The following PPARGC1A variants were observed in gnomAD, a reference collection of about 807,000 sequenced individuals.
PPARGC1A encodes PPARG coactivator 1 alpha.
In PPARGC1A, 25 loss-of-function variants were observed where a neutral mutation model predicts 88.7. That is an observed-to-expected ratio of 0.28 (90% confidence interval 0.21 to 0.39). PPARGC1A has a LOEUF of 0.39. Ranked by LOEUF, PPARGC1A falls within the 10% of genes least tolerant of loss-of-function variation. The pLI, the probability that PPARGC1A is intolerant of heterozygous loss-of-function variation, is 1.00. For missense variants in PPARGC1A, 880 were observed against 968.7 expected, an observed-to-expected ratio of 0.91 and a Z score of 1.22; for synonymous variants, 363 against 355.6, an observed-to-expected ratio of 1.02 and a Z score of -0.24.
chr4:24,263,427 T>G, the PPARGC1A span, among the ~76,000 whole-genome samples: 2 of 144,020 alleles, frequency 1.4e-5, no homozygotes, highest in African/African-American at 2.6e-5. Context: ...TCAAGAAAAA[T>G]GACATATGTA....
chr4:24,283,513 G>A, the PPARGC1A span, among the ~76,000 whole-genome samples: 1 of 152,180 alleles, frequency 6.6e-6, no homozygotes, highest in Non-Finnish European at 1.5e-5. Context: ...ATTAGTAGTA[G>A]GCAACTCTTT....
At chr4:24,009,150 A>AAAAAAG in the PPARGC1A span, among the ~76,000 whole-genome samples, 86 of 79,792 alleles carry the variant, frequency 1.1e-3, 2 homozygotes, top group African/African-American at 4.2e-3. Flanking sequence ...AAAAAAAAAA[A>AAAAAAG]AGAGAGAGAA....
At chr4:24,002,162 T>C in the PPARGC1A span, among the ~76,000 whole-genome samples, 1 of 151,474 alleles carries the variant, frequency 6.6e-6, no homozygotes, top group African/African-American at 2.4e-5. Context: ...TGGAAGTGCC[T>C]GGAAACCAGG....
chr4:23,897,646 C>T (rs1029804358), intron 1 of PPARGC1A, among the ~76,000 whole-genome samples: 11 of 54,986 alleles, frequency 2.0e-4, no homozygotes, highest in Admixed American at 7.6e-4. Context: ...AGGCAACTGG[C>T]GCTCAGTGTT....
the PPARGC1A span, among the ~76,000 whole-genome samples, chr4:24,043,605 C>G: frequency 1.3e-5 from 2 of 152,234 alleles, no homozygotes; most frequent in African/African-American, 4.8e-5. Flanking sequence ...GTTATGATAT[C>G]TTTTCTATAC....
the PPARGC1A span, among the ~76,000 whole-genome samples, chr4:24,467,305 G>A: frequency 1.5e-3 from 232 of 152,218 alleles, no homozygotes; most frequent in African/African-American, 5.2e-3. Context: ...TTTACAGGAG[G>A]ATTTCTAAAA....
At chr4:23,903,712 T>A (rs1719693501), upstream of PPARGC1A, among the ~76,000 whole-genome samples, 1 of 152,106 alleles carries the variant, frequency 6.6e-6, no homozygotes, top group South Asian at 2.1e-4. Flanking sequence ...ATGCACTAGA[T>A]CACTTGAAAT....
At chr4:23,802,058 C>T (rs145046715) in intron 11 of PPARGC1A, among the ~76,000 whole-genome samples, 166 bp downstream of exon 11, 1 of 152,078 alleles carries the variant, frequency 6.6e-6, no homozygotes, top group South Asian at 2.1e-4. Flanking sequence ...GAAATCTCAA[C>T]TAGAAAGATT....
the PPARGC1A span, among the ~76,000 whole-genome samples, chr4:24,011,468 C>A: frequency 6.6e-6 from 1 of 152,166 alleles, no homozygotes; most frequent in African/African-American, 2.4e-5. Context: ...AGAGAATAAA[C>A]AAGACCATTT....
the PPARGC1A span, among the ~76,000 whole-genome samples, chr4:24,194,666 ACAC>A: frequency 0.25 from 4,124 of 16,310 alleles, 80 homozygotes; most frequent in Middle Eastern, 0.44. Flanking sequence ...ACACACACAC[ACAC>A]CCCCATCAAG....
At chr4:24,106,449 C>T in the PPARGC1A span, among the ~76,000 whole-genome samples, 12 of 152,314 alleles carry the variant, frequency 7.9e-5, no homozygotes, top group African/African-American at 2.9e-4. Flanking sequence ...ACTTTGAGCA[C>T]CTTCAAGTAG....
At chr4:23,991,117 C>T in the PPARGC1A span, among the ~76,000 whole-genome samples, 1 of 151,944 alleles carries the variant, frequency 6.6e-6, no homozygotes, top group Non-Finnish European at 1.5e-5. Context: ...CTTCCCAAGT[C>T]CAGTCCTCAA....
rs764063930 is a variant in PPARGC1A, at chr4:23,801,856, G to A, written c.2167C>T (p.Arg723Cys). 10 of 1,613,944 alleles carry A rather than the reference G, an allele frequency of 6.2e-6. No individual in the cohort carries two copies. Among genetic ancestry groups the A allele is most frequent in the East Asian group, 2.2e-5 (1 of 44,786 alleles). ...GCAGCAAAAGCATCACAGGTATAAC[G>A]GTAGGTAATGAAACCATAGCTGTCT... is the stretch of plus-strand genomic sequence containing the variant. ...DGDSYGFITYRYTCDAFAALE... is the reference protein window; with the variant it reads ...DGDSYGFITYCYTCDAFAALE... The change falls in exon 12 of 13, where the codon CGT (arginine) becomes TGT (cysteine). Residue 723 changes from arginine (R) to cysteine (C), a missense_variant. Coordinates refer to ENST00000264867, the MANE Select transcript of PPARGC1A (RefSeq NM_013261.5).
chr4:24,058,468 C>T, the PPARGC1A span, among the ~76,000 whole-genome samples: 1 of 152,138 alleles, frequency 6.6e-6, no homozygotes, highest in African/African-American at 2.4e-5. Flanking sequence ...ACTTCTGCCG[C>T]CTACACACTC....
At chr4:23,913,228 ATATAT>A in the PPARGC1A span, among the ~76,000 whole-genome samples, 115 of 138,460 alleles carry the variant, frequency 8.3e-4, 1 homozygote, top group African/African-American at 2.7e-3. Flanking sequence ...TAGATATTAT[ATATAT>A]TATATATTTT....
chr4:24,464,238 T>C, the PPARGC1A span, among the ~76,000 whole-genome samples: 2 of 152,372 alleles, frequency 1.3e-5, no homozygotes, highest in African/African-American at 2.4e-5. Context: ...CACTTTGTAT[T>C]TGGAGGTTTG....
At chr4:24,392,576 G>T in the PPARGC1A span, among the ~76,000 whole-genome samples, 1 of 152,134 alleles carries the variant, frequency 6.6e-6, no homozygotes, top group Non-Finnish European at 1.5e-5. Context: ...TTCTGTAGGC[G>T]CACTCTGACA....
the PPARGC1A span, among the ~76,000 whole-genome samples, chr4:23,934,221 C>T: frequency 6.6e-6 from 1 of 152,140 alleles, no homozygotes; most frequent in South Asian, 2.1e-4. Context: ...ACTAACCTAG[C>T]ATGTGAGTGT....
At chr4:24,042,285 G>C in the PPARGC1A span, among the ~76,000 whole-genome samples, 1 of 152,068 alleles carries the variant, frequency 6.6e-6, no homozygotes, top group Non-Finnish European at 1.5e-5. Flanking sequence ...TATACACCAA[G>C]TCACCCCAAT....
Sources: allele counts gnomAD v4.1 joint callset (sites outside exome capture counted in the v4.1 genomes callset), GRCh38; gene constraint gnomAD v4.1.1; transcripts MANE v1.5; gene names NCBI Gene and HGNC (gene_info 2026-07-23, HGNC 2026-07-21).